NOS1AP: variants seen among roughly 807,000 people sequenced by gnomAD.
NOS1AP encodes nitric oxide synthase 1 adaptor protein.
In NOS1AP, 21 loss-of-function variants were observed where a neutral mutation model predicts 56.2. The ratio of observed to expected loss-of-function variants is 0.37; its 90% CI spans 0.26 to 0.54. NOS1AP has a LOEUF of 0.54. Ranked by LOEUF, NOS1AP falls within the 20% of genes least tolerant of loss-of-function variation. The pLI, the probability that NOS1AP is intolerant of heterozygous loss-of-function variation, is 0.84. For missense variants in NOS1AP, 522 were observed against 657.8 expected, an observed-to-expected ratio of 0.79 and a Z score of 2.26; for synonymous variants, 270 against 274.6, an observed-to-expected ratio of 0.98 and a Z score of 0.17.
chr1:162,154,123 G>A (rs1035391353), intron 1 of NOS1AP, among the ~76,000 whole-genome samples: 1 of 152,156 alleles, frequency 6.6e-6, no homozygotes, highest in African/African-American at 2.4e-5. Context: ...TGGTGGAAGA[G>A]TCTTCACACC....
chr1:162,338,599 C>A (rs1160786387), intron 5 of NOS1AP: 1 of 152,168 alleles, frequency 6.6e-6, no homozygotes, highest in African/African-American at 2.4e-5. Context: ...TAGGACCAAC[C>A]AACTACAAAG....
chr1:162,354,723 A>G (rs1657636779), intron 6 of NOS1AP, among the ~76,000 whole-genome samples: 1 of 152,122 alleles, frequency 6.6e-6, no homozygotes, highest in Non-Finnish European at 1.5e-5. Context: ...CATCTAACTG[A>G]GCTTCTAATT....
intron 1 of NOS1AP, among the ~76,000 whole-genome samples, chr1:162,148,137 G>GCCT (rs1649560311): frequency 1.3e-5 from 2 of 152,198 alleles, no homozygotes; most frequent in Non-Finnish European, 2.9e-5. Flanking sequence ...TGTAATGGAG[G>GCCT]GCTGGAAGGA....
intron 3 of NOS1AP, among the ~76,000 whole-genome samples, chr1:162,295,731 C>T (rs766484011): frequency 2.0e-4 from 31 of 152,126 alleles, no homozygotes; most frequent in Admixed American, 4.6e-4. Flanking sequence ...ATATGTGAAG[C>T]GGGGCCTCCC....
chr1:162,328,734 T>C (rs1656671412), intron 4 of NOS1AP, among the ~76,000 whole-genome samples: 1 of 152,210 alleles, frequency 6.6e-6, no homozygotes, highest in African/African-American at 2.4e-5. Context: ...GCCATTTTCC[T>C]CCACTGCATT....
chr1:162,084,893 G>A (rs1304138860), intron 1 of NOS1AP, among the ~76,000 whole-genome samples: 1 of 151,948 alleles, frequency 6.6e-6, no homozygotes, highest in African/African-American at 2.4e-5. Flanking sequence ...TGGAACTCCT[G>A]GGCTCAAGTG....
At chr1:162,257,608 C>T (rs1654074177) in intron 2 of NOS1AP, among the ~76,000 whole-genome samples, 1 of 151,424 alleles carries the variant, frequency 6.6e-6, no homozygotes, top group African/African-American at 2.4e-5. Context: ...GAGATCATGC[C>T]ACTGCACTCC....
intron 1 of NOS1AP, among the ~76,000 whole-genome samples, chr1:162,101,977 G>A (rs956164579): frequency 6.6e-5 from 10 of 151,988 alleles, no homozygotes; most frequent in Non-Finnish European, 1.2e-4. Flanking sequence ...CCAATACTAC[G>A]TTGAATAGGA....
At chr1:162,309,335 A>G (rs1655950492) in intron 4 of NOS1AP, among the ~76,000 whole-genome samples, 1 of 152,232 alleles carries the variant, frequency 6.6e-6, no homozygotes, top group African/African-American at 2.4e-5. Context: ...TAATGAAATG[A>G]CAGAATGTTA....
chr1:162,144,529 T>G (rs1321898367), intron 1 of NOS1AP, among the ~76,000 whole-genome samples: 1 of 152,068 alleles, frequency 6.6e-6, no homozygotes, highest in Non-Finnish European at 1.5e-5. Context: ...TCATACAGCC[T>G]TTGTTAGTGT....
At chr1:162,087,131 G>C (rs1692021132) in intron 1 of NOS1AP, among the ~76,000 whole-genome samples, 1 of 152,138 alleles carries the variant, frequency 6.6e-6, no homozygotes, top group African/African-American at 2.4e-5. Context: ...AGACACACAG[G>C]GTTGGATGAA....
At chr1:162,277,744 C>T (rs1654787720) in intron 2 of NOS1AP, among the ~76,000 whole-genome samples, 1 of 152,196 alleles carries the variant, frequency 6.6e-6, no homozygotes, top group Admixed American at 6.5e-5. Context: ...ATAACACATT[C>T]TTGTGTTCAC....
chr1:162,276,237 C>A (rs919065074), intron 2 of NOS1AP, among the ~76,000 whole-genome samples: 1 of 152,142 alleles, frequency 6.6e-6, no homozygotes, highest in Non-Finnish European at 1.5e-5. Flanking sequence ...CTACATAAAC[C>A]ATCCTGGCAT....
intron 1 of NOS1AP, among the ~76,000 whole-genome samples, chr1:162,146,030 A>T (rs756125148): frequency 1.3e-5 from 2 of 152,158 alleles, no homozygotes; most frequent in African/African-American, 4.8e-5. Context: ...TGAAACTCAC[A>T]TGTTGTATCC....
chr1:162,289,621 C>T (rs796691150), intron 3 of NOS1AP, among the ~76,000 whole-genome samples: 3 of 151,642 alleles, frequency 2.0e-5, no homozygotes, highest in African/African-American at 7.3e-5. Flanking sequence ...ACTACAGGCG[C>T]CCGCCACTAC....
intron 2 of NOS1AP, among the ~76,000 whole-genome samples, chr1:162,206,448 A>T (rs776974666): frequency 4.6e-5 from 7 of 152,212 alleles, no homozygotes; most frequent in African/African-American, 1.7e-4. Context: ...TTTGACACAC[A>T]GCCACACACA....
chr1:162,250,921 C>T (rs1277157562), intron 2 of NOS1AP, among the ~76,000 whole-genome samples: 1 of 152,114 alleles, frequency 6.6e-6, no homozygotes, highest in Non-Finnish European at 1.5e-5. Flanking sequence ...CCCAAGCATA[C>T]TGGAACTTTG....
chr1:162,266,771 G>A (rs1182657015), intron 2 of NOS1AP, among the ~76,000 whole-genome samples: 4 of 152,124 alleles, frequency 2.6e-5, no homozygotes, highest in Non-Finnish European at 4.4e-5. Context: ...AACCTATCAA[G>A]TATTTAAAAT....
intron 3 of NOS1AP, among the ~76,000 whole-genome samples, chr1:162,288,040 A>T (rs1265615027): frequency 6.6e-6 from 1 of 152,134 alleles, no homozygotes; most frequent in Admixed American, 6.5e-5. Flanking sequence ...GGGGAGAGAC[A>T]AGCAAGTGAG....
Sources: allele counts gnomAD v4.1 joint callset (sites outside exome capture counted in the v4.1 genomes callset), GRCh38; gene constraint gnomAD v4.1.1; transcripts MANE v1.5; gene names NCBI Gene and HGNC (gene_info 2026-07-23, HGNC 2026-07-21).